Variants in OTUD7B observed in about 807,000 individuals in gnomAD.
OTUD7B encodes the protein OTU deubiquitinase 7B.
A neutral mutation model predicts 82.2 loss-of-function variants in OTUD7B; 34 were observed. The ratio of observed to expected loss-of-function variants is 0.41; its 90% CI spans 0.31 to 0.55. OTUD7B has a LOEUF of 0.55. OTUD7B is among the 20% of genes least tolerant of loss of function. OTUD7B has a pLI of 0.20. For synonymous variants in OTUD7B, 398 were observed against 402.7 expected (o/e 0.99, Z 0.14); for missense variants, 944 against 1,062.1 (o/e 0.89, Z 1.55).
chr1:150,031,179 GA>G, the OTUD7B span, among the ~76,000 whole-genome samples: 1 of 152,154 alleles, frequency 6.6e-6, no homozygotes, highest in African/African-American at 2.4e-5. Flanking sequence ...ATAAATTAAA[GA>G]AAAATTTAAG....
the OTUD7B span, among the ~76,000 whole-genome samples, chr1:150,062,912 C>A: frequency 6.6e-6 from 1 of 151,378 alleles, no homozygotes; most frequent in Non-Finnish European, 1.5e-5. Flanking sequence ...CAGAGTTTCA[C>A]CATGTTGATC....
the OTUD7B span, among the ~76,000 whole-genome samples, chr1:150,032,453 A>G: frequency 3.7e-5 from 4 of 108,204 alleles, no homozygotes; most frequent in Non-Finnish European, 7.0e-5. Context: ...ACATAGCAAG[A>G]ACCTGTCTAC....
intron 1 of OTUD7B, among the ~76,000 whole-genome samples, chr1:149,984,455 A>C (rs1650997996): frequency 6.6e-6 from 1 of 152,058 alleles, no homozygotes; most frequent in South Asian, 2.1e-4. Context: ...ACACTTACTG[A>C]CCACTCTTCC....
At position 149,953,308 on chromosome 1, in the gene OTUD7B, C is replaced by A. The variant is rs185631226; in HGVS notation, c.846-3087G>T. ...AGCACCATTTATAAAATAGGGAATC[C>A]TTTCCCCATTTCTTGTTTTTGTCAG... is the stretch of plus-strand genomic sequence containing the variant. On this transcript the variant is annotated intron_variant, in intron 7 of 11. Coordinates refer to ENST00000581312, the MANE Select transcript of OTUD7B (RefSeq NM_020205.4). Among the ~76,000 whole-genome samples the A allele has an allele frequency of 4.0e-4, 61 of 152,266 alleles. No homozygotes were observed. In the East Asian group the frequency reaches 0.011, roughly 26 times the overall value.
chr1:149,958,140 G>C (rs1184246921), intron 7 of OTUD7B, among the ~76,000 whole-genome samples: 1 of 152,062 alleles, frequency 6.6e-6, no homozygotes, highest in Non-Finnish European at 1.5e-5. Flanking sequence ...GACTGGAGCT[G>C]TTCCTATTTG....
Position 149,938,344 on chromosome 1 carries a change from C to T in OTUD7B, c.*5513G>A, listed in dbSNP as rs2092739692. ...GGCGTGGTGGCTCACACCTATAATC[C>T]CAGCTACTTGGGAGGCTGAGGCAGG... is the stretch of plus-strand genomic sequence containing the variant. On this transcript the variant is annotated 3_prime_UTR_variant, in exon 12 of 12. Coordinates refer to ENST00000581312, the MANE Select transcript of OTUD7B (RefSeq NM_020205.4). 1 of 151,634 alleles carries T rather than the reference C, an allele frequency of 6.6e-6. No homozygotes were observed. Among genetic ancestry groups the T allele is most frequent in the African/African-American group, 2.4e-5 (1 of 41,140 alleles). 9.4% of individuals were successfully genotyped at this position (151,634 alleles called of 1,614,324 possible). A position where few individuals can be genotyped will look rare whatever the true frequency, so the allele number is the denominator to read the frequency against.
chr1:149,976,181 T>C (rs1478489928), intron 2 of OTUD7B, among the ~76,000 whole-genome samples: 5 of 152,152 alleles, frequency 3.3e-5, no homozygotes, highest in Admixed American at 3.3e-4. Context: ...CAATTTAAAA[T>C]ATTACCTATG....
chr1:149,995,058 A>G (rs1183731602), intron 1 of OTUD7B, among the ~76,000 whole-genome samples: 17 of 152,252 alleles, frequency 1.1e-4, no homozygotes, highest in Admixed American at 9.8e-4. Flanking sequence ...TACAGAAGGA[A>G]TACTAACAAT....
the OTUD7B span, among the ~76,000 whole-genome samples, chr1:150,022,352 C>T: frequency 1.7e-3 from 238 of 137,248 alleles, 2 homozygotes; most frequent in African/African-American, 5.7e-3. Context: ...GAGCCAAGAT[C>T]GTGCCATTGC....
At chr1:150,058,918 T>G in the OTUD7B span, among the ~76,000 whole-genome samples, 2 of 152,150 alleles carry the variant, frequency 1.3e-5, no homozygotes. Context: ...TACAATAAAT[T>G]TCTTATTTTA....
At chr1:149,951,078 GTTCAGGCAATTC>G (rs1553773366) in intron 7 of OTUD7B, among the ~76,000 whole-genome samples, 1 of 128,766 alleles carries the variant, frequency 7.8e-6, no homozygotes, top group African/African-American at 2.9e-5. Flanking sequence ...CACCTCCTGA[GTTCAGGCAATTC>G]TCCTGCCTCA....
intron 7 of OTUD7B, among the ~76,000 whole-genome samples, chr1:149,958,121 G>A (rs587773280): frequency 1.5e-4 from 23 of 152,182 alleles, no homozygotes; most frequent in Admixed American, 1.2e-3. Context: ...ACTCATGCTG[G>A]GAGCTGTAGA....
At chr1:150,055,058 G>A in the OTUD7B span, 1,719 of 99,610 alleles carry the variant, frequency 0.017, 30 homozygotes, top group Middle Eastern at 0.062. Context: ...TTTTTTTTGA[G>A]ACGGAGTCTT....
At chr1:150,065,345 G>C in the OTUD7B span, among the ~76,000 whole-genome samples, 2 of 152,144 alleles carry the variant, frequency 1.3e-5, no homozygotes, top group Non-Finnish European at 2.9e-5. Context: ...AAAGTGTTGG[G>C]ATTACAGGAG....
intron 1 of OTUD7B, among the ~76,000 whole-genome samples, chr1:150,005,548 G>C (rs1652603596): frequency 6.6e-6 from 1 of 152,092 alleles, no homozygotes; most frequent in South Asian, 2.1e-4. Flanking sequence ...ATAAAGAGGT[G>C]GGGGAGAGTG....
chr1:149,966,973 T>C (rs3767627), intron 4 of OTUD7B, among the ~76,000 whole-genome samples: 21,907 of 152,240 alleles, frequency 0.14, 2,070 homozygotes, highest in East Asian at 0.33. Flanking sequence ...ATCTACAGCA[T>C]TGGTCATTTC....
the OTUD7B span, among the ~76,000 whole-genome samples, chr1:150,027,446 G>A: frequency 2.6e-5 from 4 of 152,034 alleles, no homozygotes; most frequent in African/African-American, 9.7e-5. Flanking sequence ...AATTAGCTGG[G>A]CATGGTAGTG....
chr1:149,944,282 C>T lies in OTUD7B; in HGVS notation c.2107G>A (p.Gly703Arg). Residue 703 changes from glycine (G) to arginine (R), a missense_variant, in exon 12 of 12, where the codon GGG becomes AGG. Coordinates refer to ENST00000581312, the MANE Select transcript of OTUD7B (RefSeq NM_020205.4). ...PGDFTIPRPS[G>R]GGVHCQEPRR... is the part of the protein sequence containing the mutation. ...GGTTCCTGGCAGTGGACTCCGCCCC[C>T]AGACGGCCGAGGGATAGTAAAGTCC... 1 of 1,610,552 alleles carries T rather than the reference C, an allele frequency of 6.2e-7. No individual in the cohort carries two copies. The highest frequency in any genetic ancestry group is 8.5e-7 in the Non-Finnish European group (1 of 1,177,890).
the OTUD7B span, among the ~76,000 whole-genome samples, chr1:150,025,844 G>A: frequency 1.3e-5 from 2 of 152,154 alleles, no homozygotes; most frequent in African/African-American, 4.8e-5. Context: ...GCCCCCACAT[G>A]AATTACACAA....
Sources: allele counts gnomAD v4.1 joint callset (sites outside exome capture counted in the v4.1 genomes callset), GRCh38; gene constraint gnomAD v4.1.1; transcripts MANE v1.5; gene names NCBI Gene and HGNC (gene_info 2026-07-23, HGNC 2026-07-21).